The following MEF2C variants were observed in gnomAD, a reference collection of about 807,000 sequenced individuals.
The protein encoded by MEF2C is myocyte enhancer factor 2C.
Under a neutral mutation model 50.5 loss-of-function variants are expected in MEF2C, and 6 were observed. That is an observed-to-expected ratio of 0.12 (90% CI 0.07 to 0.23). The LOEUF is 0.23. MEF2C is among the 10% of genes least tolerant of loss of function. The pLI, the probability that MEF2C is intolerant of heterozygous loss-of-function variation, is 1.00. For missense variants in MEF2C, 276 were observed against 605.0 expected (o/e 0.46, Z 5.70); for synonymous variants, 183 against 228.0 (o/e 0.80, Z 1.78).
chr5:88,736,566 C>G (rs1161212974), intron 6 of MEF2C: 2 of 933,720 alleles, frequency 2.1e-6, no homozygotes, highest in Non-Finnish European at 2.5e-6. Context: ...CTGGTCTCTA[C>G]TTGAGGGGTT....
At chr5:88,900,559 A>AG (rs1835548339) in intron 1 of MEF2C, among the ~76,000 whole-genome samples, 3 of 151,892 alleles carry the variant, frequency 2.0e-5, no homozygotes, top group African/African-American at 4.8e-5. Flanking sequence ...GGTAAGACAA[A>AG]TAAAAAACTT....
At chr5:88,792,131 A>G (rs1794064189) in intron 3 of MEF2C, among the ~76,000 whole-genome samples, 1 of 152,154 alleles carries the variant, frequency 6.6e-6, no homozygotes, top group African/African-American at 2.4e-5. Flanking sequence ...TTCTGGAGAA[A>G]TTAATTTACT....
Position 88,862,563 on chromosome 5 carries a change from GAAAT to G in MEF2C, c.-143+20388_-143+20391del, listed in dbSNP as rs1450763836. On this transcript the variant is annotated intron_variant, in intron 1 of 10. Coordinates refer to ENST00000504921, the MANE Select transcript of MEF2C (RefSeq NM_002397.5). ...AACAAGAAGGAAAAAAAAAACCCGA[GAAAT>G]AACCTTTAAAGTTTTTTAAAAATTA... 7.2e-5 allele frequency among the ~76,000 whole-genome samples: 11 copies of G among 151,756 alleles called. 1 individual carries two copies. Among genetic ancestry groups the G allele is most frequent in the Admixed American group, 7.2e-4 (11 of 15,244 alleles).
chr5:88,805,823 CTTTTTTTTT>C (rs869224140), intron 2 of MEF2C, among the ~76,000 whole-genome samples: 4 of 61,554 alleles, frequency 6.5e-5, no homozygotes, highest in Admixed American at 4.4e-4. Context: ...CGTGAACATT[CTTTTTTTTT>C]TTTTTTTTTT....
intron 2 of MEF2C, among the ~76,000 whole-genome samples, chr5:88,812,658 A>G (rs1443019611): frequency 7.2e-5 from 11 of 152,150 alleles, no homozygotes; most frequent in African/African-American, 2.7e-4. Context: ...TACATTCGAC[A>G]GTATCTCTTT....
intron 2 of MEF2C, 44 bp downstream of exon 2, chr5:88,823,691 T>A: frequency 6.6e-7 from 1 of 1,512,444 alleles, no homozygotes; most frequent in South Asian, 1.2e-5. Context: ...GTGGAGAAAA[T>A]ATAATTAATA....
intron 1 of MEF2C, among the ~76,000 whole-genome samples, chr5:88,836,394 G>A (rs1421244578): frequency 2.6e-5 from 4 of 151,854 alleles, no homozygotes; most frequent in African/African-American, 9.7e-5. Context: ...AGTCATGACT[G>A]CATACAAACC....
At chr5:88,826,060 CAG>C (rs1810724087) in intron 1 of MEF2C, among the ~76,000 whole-genome samples, 1 of 151,890 alleles carries the variant, frequency 6.6e-6, no homozygotes, top group Admixed American at 6.6e-5. Flanking sequence ...CTCAGAAAGA[CAG>C]AGAGAGTTCC....
chr5:88,869,298 CAT>C (rs201507162), intron 1 of MEF2C, among the ~76,000 whole-genome samples: 3,381 of 101,024 alleles, frequency 0.033, 105 homozygotes, highest in Non-Finnish European at 0.042. Flanking sequence ...TATATATACA[CAT>C]ATATATATAT....
At chr5:88,806,602 AC>A (rs1198633540) in intron 2 of MEF2C, among the ~76,000 whole-genome samples, 5 of 151,508 alleles carry the variant, frequency 3.3e-5, no homozygotes, top group Non-Finnish European at 7.4e-5. Flanking sequence ...AGAAAGCCTG[AC>A]CTCCCAGTCT....
upstream of MEF2C, among the ~76,000 whole-genome samples, chr5:88,885,199 G>A (rs1833948736): frequency 6.6e-6 from 1 of 152,126 alleles, no homozygotes; most frequent in African/African-American, 2.4e-5. Context: ...AATATATGAG[G>A]ACAGTATGGT....
intron 5 of MEF2C, chr5:88,751,341 A>G: frequency 6.1e-6 from 6 of 981,772 alleles, no homozygotes; most frequent in Non-Finnish European, 7.3e-6. Flanking sequence ...TTTATTTCAC[A>G]TGTCTTACAA....
chr5:88,739,872 T>C, intron 6 of MEF2C: 2 of 985,328 alleles, frequency 2.0e-6, no homozygotes, highest in Non-Finnish European at 2.4e-6. Flanking sequence ...AAATCAGATT[T>C]CTGATTCTTA....
upstream of MEF2C, among the ~76,000 whole-genome samples, chr5:88,887,923 C>CCT (rs1834170902): frequency 6.6e-6 from 1 of 152,208 alleles, no homozygotes; most frequent in African/African-American, 2.4e-5. Flanking sequence ...TTACACATAT[C>CCT]TAAGGATTCT....
chr5:88,859,673 T>C (rs1824808256), intron 1 of MEF2C, among the ~76,000 whole-genome samples: 1 of 152,240 alleles, frequency 6.6e-6, no homozygotes, highest in Non-Finnish European at 1.5e-5. Flanking sequence ...ATTGATCTAA[T>C]TAATTGTACA....
chr5:88,837,454 C>T (rs1815617240), intron 1 of MEF2C, among the ~76,000 whole-genome samples: 1 of 152,150 alleles, frequency 6.6e-6, no homozygotes, highest in Non-Finnish European at 1.5e-5. Context: ...AGCAATACTG[C>T]ACAGTGGAAA....
chr5:88,902,239 A>G (rs1167203488), intron 1 of MEF2C, among the ~76,000 whole-genome samples: 2 of 151,740 alleles, frequency 1.3e-5, no homozygotes, highest in Non-Finnish European at 3.0e-5. Flanking sequence ...TTTAGCGACT[A>G]TAGTTACTCA....
chr5:88,843,578 G>T, intron 1 of MEF2C: 1 of 516,020 alleles, frequency 1.9e-6, no homozygotes, highest in Non-Finnish European at 2.5e-6. Context: ...ACAACAAAGT[G>T]AGAGGTGTTA....
chr5:88,825,426 T>C (rs1416795309), intron 1 of MEF2C: 7 of 920,734 alleles, frequency 7.6e-6, no homozygotes, highest in East Asian at 1.2e-4. Context: ...TCTCATAATA[T>C]GTATGTTGAG....
Sources: allele counts gnomAD v4.1 joint callset (sites outside exome capture counted in the v4.1 genomes callset), GRCh38; gene constraint gnomAD v4.1.1; transcripts MANE v1.5; gene names NCBI Gene and HGNC (gene_info 2026-07-23, HGNC 2026-07-21).